CEP89: variants seen among roughly 807,000 people sequenced by gnomAD.
The protein encoded by CEP89 is centrosomal protein 89, also known as centrosomal protein of 89 kDa.
In CEP89, 95 loss-of-function variants were observed where a neutral mutation model predicts 97.6. That is an observed-to-expected ratio of 0.97 (90% CI 0.82 to 1.15). CEP89 has a LOEUF of 1.15. Ranked by LOEUF, CEP89 falls within the 50% of genes most tolerant of loss-of-function variation. The pLI is 0.00. For synonymous variants in CEP89, 354 were observed against 349.1 expected (o/e 1.01, Z -0.16); for missense variants, 869 against 947.7 (o/e 0.92, Z 1.09).
rs747452034 is a variant in CEP89 at position 32,953,705 on chromosome 19, T to C, written c.402A>G (p.Ser134=). Residue 134 remains serine, a synonymous_variant, in exon 4 of 19, where the codon TCA becomes TCG. Coordinates refer to ENST00000305768, the MANE Select transcript of CEP89 (RefSeq NM_032816.5). The part of the protein sequence containing the change: ...GDEEDIETQL[S]SSGKELGDVS... ...CATCCCCCAATTCCTTGCCGCTGGA[T>C]GACAGCTGAGTTTCAATGTCCTCTT... 2 of 1,614,076 alleles carry C rather than the reference T, an allele frequency of 1.2e-6. No homozygotes were observed. Among genetic ancestry groups the C allele is most frequent in the Non-Finnish European group, 1.7e-6 (2 of 1,179,962 alleles).
intron 2 of CEP89, among the ~76,000 whole-genome samples, chr19:32,962,306 C>T (rs1971185990): frequency 6.6e-6 from 1 of 152,224 alleles, no homozygotes. Context: ...GACATGCCTG[C>T]TTCCCCTTCT....
At chr19:32,945,793 G>A (rs1599765304) in intron 5 of CEP89, among the ~76,000 whole-genome samples, 1 of 152,300 alleles carries the variant, frequency 6.6e-6, no homozygotes, top group East Asian at 1.9e-4. Context: ...GGGATTTCAT[G>A]CGCAGATCCT....
intron 3 of CEP89, among the ~76,000 whole-genome samples, chr19:32,958,012 A>AGCC (rs1568581221): frequency 1.9e-5 from 2 of 106,318 alleles, no homozygotes; most frequent in African/African-American, 8.4e-5. Flanking sequence ...AAACAAAAAA[A>AGCC]TCCCCCCCCC....
chr19:32,894,570 TAGCTTACAGTG>T, intron 16 of CEP89, among the ~76,000 whole-genome samples: 1 of 152,358 alleles, frequency 6.6e-6, no homozygotes, highest in East Asian at 1.9e-4. Flanking sequence ...GCACAAGGTT[TAGCTTACAGTG>T]AGCTTTTCCT....
intron 12 of CEP89, among the ~76,000 whole-genome samples, chr19:32,923,142 A>G (rs1970286111): frequency 6.6e-6 from 1 of 152,022 alleles, no homozygotes. Flanking sequence ...AAGGGACGAG[A>G]CTCTCCAGGT....
rs1327202927 is a variant in CEP89 at position 32,899,963 on chromosome 19, T to C, written c.1769A>G (p.Gln590Arg). 1.2e-6 allele frequency: 2 copies of C among 1,614,138 alleles called. No homozygotes were observed. The highest frequency in any genetic ancestry group is 3.3e-5 in the Admixed American group (2 of 60,022). The change falls in exon 16 of 19, where the codon CAG (glutamine) becomes CGG (arginine). Residue 590 changes from glutamine (Q) to arginine (R), a missense_variant. Gln to Arg is a conservative substitution (Grantham distance 43). Transcript: ENST00000305768. ...TTCGTTCCCCATGGCTTTTTCCACC[T>C]GCTTTTTGAGGACCTCAATTTTCTT... ...SQKKIEVLKK[Q>R]VEKAMGNEMS...
chr19:32,933,566 A>G lies in CEP89; in HGVS notation c.771T>C (p.Leu257=). ...NMDLNNMNQS[L]TLELNTMKQA... ...GTTTCATTGTGTTTAGTTCAAGGGT[A>G]AGGCTTTGATTCATATTGTTTAGGT... The change falls in exon 8 of 19, where the codon CTT becomes CTC. Residue 257 remains leucine (L), a synonymous_variant. Coordinates refer to ENST00000305768, the MANE Select transcript of CEP89 (RefSeq NM_032816.5). 1.9e-6 allele frequency: 3 copies of G among 1,612,504 alleles called. No individual in the cohort carries two copies. The highest frequency in any genetic ancestry group is 2.5e-6 in the Non-Finnish European group (3 of 1,178,550).
At position 32,886,137 on chromosome 19, in the gene CEP89, A is replaced by AG. The variant is rs540443057; in HGVS notation, c.1965+1614dup. 2.8e-3 allele frequency among the ~76,000 whole-genome samples: 430 copies of AG among 152,322 alleles called. 3 individuals are homozygous for AG. The highest frequency in any genetic ancestry group is 9.6e-3 in the African/African-American group (401 of 41,562). On this transcript the variant is annotated intron_variant, in intron 17 of 18. Coordinates refer to ENST00000305768, the MANE Select transcript of CEP89 (RefSeq NM_032816.5). ...TCCAGCTATCTCCAGCTCTCTAGCC[A>AG]GCTACCTAGTGGTTCACTTTGGAGT...
intron 16 of CEP89, 99 bp downstream of exon 16, chr19:32,899,758 C>T: frequency 8.2e-7 from 1 of 1,222,460 alleles, no homozygotes; most frequent in Non-Finnish European, 1.1e-6. Flanking sequence ...CAGGGAATGC[C>T]TGGATAAAGC....
intron 12 of CEP89, among the ~76,000 whole-genome samples, chr19:32,921,586 GT>G (rs1360909913): frequency 2.0e-5 from 3 of 152,204 alleles, no homozygotes; most frequent in African/African-American, 7.2e-5. Flanking sequence ...TCTTTCACTG[GT>G]TTTATTTTAA....
At chr19:32,971,124 G>A (rs963652911) in intron 1 of CEP89, 1 of 179,536 alleles carries the variant, frequency 5.6e-6, no homozygotes, top group African/African-American at 2.3e-5. Flanking sequence ...AACCAGTGAG[G>A]ATCTGCCGCA....
rs1198483735 is a variant in CEP89, at chr19:32,881,844, C to T, written c.2135G>A (p.Arg712Lys). The T allele has an allele frequency of 1.9e-6, 3 of 1,600,054 alleles. No homozygotes were observed. The highest frequency in any genetic ancestry group is 2.5e-6 in the Non-Finnish European group (3 of 1,178,064). Reference protein sequence around the residue: ...EVLDQALQQNREMEGELEVIW... With the variant: ...EVLDQALQQNKEMEGELEVIW... The stretch of plus-strand genomic sequence containing the variant: ...CCATGGCGCAGGGCGCATGCCCCAC[C>T]TGTTCTGCTGCAGCGCCTGGTCCAG... Residue 712 changes from arginine (R) to lysine (K), a missense_variant and splice_region_variant, in exon 18 of 19, where the codon AGA (arginine) becomes AAA (lysine). Physicochemically the swap from Arg to Lys is conservative, Grantham distance 26 (BLOSUM62 2). Transcript: ENST00000305768.
chr19:32,923,372 T>A, intron 12 of CEP89, 67 bp downstream of exon 12: 1 of 763,472 alleles, frequency 1.3e-6, no homozygotes, highest in Non-Finnish European at 2.2e-6. Flanking sequence ...TTGATAATTT[T>A]ATAACATATT....
intron 5 of CEP89, among the ~76,000 whole-genome samples, chr19:32,942,409 A>G (rs1337542745): frequency 6.6e-6 from 1 of 152,182 alleles, no homozygotes; most frequent in East Asian, 1.9e-4. Flanking sequence ...TGACAGCTAT[A>G]GAAGTGGGGA....
chr19:32,938,899 G>A (rs767074092), intron 6 of CEP89, among the ~76,000 whole-genome samples: 10 of 152,094 alleles, frequency 6.6e-5, no homozygotes, highest in Non-Finnish European at 1.0e-4. Context: ...GCAGTGAGCC[G>A]AGACTGCGCC....
intron 14 of CEP89, among the ~76,000 whole-genome samples, chr19:32,902,006 C>CTGTGTGTGTGTGTGTGTG (rs1287486651): frequency 1.8e-3 from 181 of 98,730 alleles, no homozygotes; most frequent in Middle Eastern, 4.4e-3. Context: ...GTCTCTCTCT[C>CTGTGTGTGTGTGTGTGTG]TCTCTGTGTG....
intron 3 of CEP89, among the ~76,000 whole-genome samples, chr19:32,959,262 C>T (rs1381540295): frequency 6.6e-6 from 1 of 151,968 alleles, no homozygotes; most frequent in African/African-American, 2.4e-5. Context: ...CTGTGTCACA[C>T]TCCCTCGTTT....
At chr19:32,901,831 C>T (rs1168678239) in intron 14 of CEP89, among the ~76,000 whole-genome samples, 2 of 152,162 alleles carry the variant, frequency 1.3e-5, no homozygotes, top group Admixed American at 1.3e-4. Context: ...CACTATGTTG[C>T]CCAGGCTGGT....
chr19:32,939,090 A>T (rs1401520494), intron 6 of CEP89, among the ~76,000 whole-genome samples: 1 of 151,258 alleles, frequency 6.6e-6, no homozygotes, highest in Non-Finnish European at 1.5e-5. Flanking sequence ...CTAAAAAAAA[A>T]TTTTTTTTTA....
Sources: allele counts gnomAD v4.1 joint callset (sites outside exome capture counted in the v4.1 genomes callset), GRCh38; gene constraint gnomAD v4.1.1; transcripts MANE v1.5; gene names NCBI Gene and HGNC (gene_info 2026-07-23, HGNC 2026-07-21).